KCNMA1: variants seen among roughly 807,000 people sequenced by gnomAD.
KCNMA1 encodes Calcium-activated potassium channel subunit alpha-1.
KCNMA1 carries 29 observed loss-of-function variants against 140.0 expected under a neutral mutation model. That is an observed-to-expected ratio of 0.21 (90% CI 0.15 to 0.28). The LOEUF is 0.28. Ranked by LOEUF, KCNMA1 falls within the 10% of genes least tolerant of loss-of-function variation. The pLI is 1.00. For missense variants in KCNMA1, 880 were observed against 1,602.2 expected (o/e 0.55, Z 7.70); for synonymous variants, 612 against 611.9 (o/e 1.00, Z 0.00).
At chr10:76,947,822 G>C (rs1391448229) in intron 22 of KCNMA1, among the ~76,000 whole-genome samples, 2 of 152,178 alleles carry the variant, frequency 1.3e-5, no homozygotes, top group Non-Finnish European at 2.9e-5. Flanking sequence ...TGAGTAACAT[G>C]TACTGCTTGT....
intron 1 of KCNMA1, among the ~76,000 whole-genome samples, chr10:77,468,494 A>C (rs1156477607): frequency 1.3e-5 from 2 of 152,208 alleles, no homozygotes; most frequent in Non-Finnish European, 2.9e-5. Context: ...ATGCAATATG[A>C]CTGGTGTCCT....
At chr10:77,325,044 T>G (rs889991621) in intron 2 of KCNMA1, among the ~76,000 whole-genome samples, 6 of 151,502 alleles carry the variant, frequency 4.0e-5, no homozygotes, top group Non-Finnish European at 7.4e-5. Flanking sequence ...ATTTTTTATT[T>G]TGAACTGACT....
chr10:77,580,219 A>T (rs2075451441), intron 1 of KCNMA1, among the ~76,000 whole-genome samples: 1 of 151,976 alleles, frequency 6.6e-6, no homozygotes, highest in Admixed American at 6.6e-5. Flanking sequence ...GTCTCCACTA[A>T]AAATACAAAA....
intron 17 of KCNMA1, among the ~76,000 whole-genome samples, chr10:77,017,114 T>C (rs189881857): frequency 3.3e-5 from 5 of 152,320 alleles, no homozygotes; most frequent in African/African-American, 1.2e-4. Context: ...AAATGAGACA[T>C]ATTGCACTCC....
chr10:76,963,773 T>C (rs879652727), intron 20 of KCNMA1, among the ~76,000 whole-genome samples: 7 of 152,198 alleles, frequency 4.6e-5, no homozygotes, highest in Admixed American at 2.6e-4. Flanking sequence ...ATACTAGTCC[T>C]CGCAAAGTGC....
intron 3 of KCNMA1, among the ~76,000 whole-genome samples, chr10:77,223,784 GTCA>G (rs2050437979): frequency 6.6e-6 from 1 of 152,120 alleles, no homozygotes; most frequent in Non-Finnish European, 1.5e-5. Flanking sequence ...TCTGGTAGAG[GTCA>G]TGGACGAAGT....
At chr10:77,538,174 CACAT>C in intron 1 of KCNMA1, among the ~76,000 whole-genome samples, 1 of 151,936 alleles carries the variant, frequency 6.6e-6, no homozygotes, top group Non-Finnish European at 1.5e-5. Flanking sequence ...TAAACACACA[CACAT>C]ACACTAGACA....
At chr10:77,269,440 C>T (rs1392636760) in intron 2 of KCNMA1, among the ~76,000 whole-genome samples, 1 of 152,194 alleles carries the variant, frequency 6.6e-6, no homozygotes, top group African/African-American at 2.4e-5. Context: ...TTCTGAAGCA[C>T]TTTGAGAAAG....
chr10:77,277,008 C>T (rs929095424), intron 2 of KCNMA1, among the ~76,000 whole-genome samples: 3 of 152,036 alleles, frequency 2.0e-5, no homozygotes, highest in Non-Finnish European at 2.9e-5. Flanking sequence ...TGACACACAG[C>T]GGGGATTCTT....
chr10:77,513,419 C>T (rs1480488270), intron 1 of KCNMA1, among the ~76,000 whole-genome samples: 2 of 152,172 alleles, frequency 1.3e-5, no homozygotes, highest in Admixed American at 6.5e-5. Context: ...GAGCAGCCAC[C>T]GTAGCTATCG....
chr10:77,378,384 C>G (rs16934663), intron 2 of KCNMA1, among the ~76,000 whole-genome samples: 1,857 of 152,300 alleles, frequency 0.012, 32 homozygotes, highest in African/African-American at 0.033. Flanking sequence ...TTGTCTTAAC[C>G]CTTCAGGGAG....
chr10:77,566,014 ATCT>A (rs202131772), intron 1 of KCNMA1, among the ~76,000 whole-genome samples: 23,693 of 152,092 alleles, frequency 0.16, 2,148 homozygotes, highest in Middle Eastern at 0.24. Context: ...CTCCCCTAAA[ATCT>A]TCATGTTTTT....
At chr10:77,088,529 A>G (rs1442309189) in intron 10 of KCNMA1, among the ~76,000 whole-genome samples, 1 of 152,076 alleles carries the variant, frequency 6.6e-6, no homozygotes, top group Non-Finnish European at 1.5e-5. Context: ...TCTCAGGATC[A>G]AGTCATCCTC....
At chr10:77,596,635 G>A (rs2253202) in intron 1 of KCNMA1, among the ~76,000 whole-genome samples, 135,275 of 151,960 alleles carry the variant, frequency 0.89, 60,500 homozygotes, top group Middle Eastern at 0.96. Flanking sequence ...AAGATGCTAC[G>A]GGAGCACAAT....
intron 3 of KCNMA1, among the ~76,000 whole-genome samples, chr10:77,215,934 G>T (rs551700745): frequency 6.8e-6 from 1 of 147,560 alleles, no homozygotes; most frequent in Admixed American, 6.9e-5. Context: ...TCTCTCTGCC[G>T]TGTGAGGACA....
At position 77,133,673 on chromosome 10, in the gene KCNMA1, T is replaced by C. The variant is rs538101055; in HGVS notation, c.809-12625A>G. Among the ~76,000 whole-genome samples the C allele has an allele frequency of 1.8e-4, 28 of 152,194 alleles. No homozygotes were observed. The South Asian group carries it at 3.7e-3, about 20-fold the overall frequency. On this transcript the variant is annotated intron_variant, in intron 5 of 27. Coordinates refer to ENST00000286628, the MANE Select transcript of KCNMA1 (RefSeq NM_001161352.2). ...TCCTTTGAGATAAATAAAGCAAATA[T>C]GACAAGAATGCACAAATATAGGACA... is the stretch of plus-strand genomic sequence containing the variant.
At chr10:77,252,905 C>T (rs754732237) in intron 2 of KCNMA1, among the ~76,000 whole-genome samples, 3 of 151,966 alleles carry the variant, frequency 2.0e-5, no homozygotes, top group East Asian at 1.9e-4. Flanking sequence ...CTAAAACATG[C>T]TCCAATTGAA....
At chr10:77,587,852 C>G (rs1443081443) in intron 1 of KCNMA1, 1 of 985,330 alleles carries the variant, frequency 1.0e-6, no homozygotes, top group East Asian at 1.1e-4. Flanking sequence ...CGGCCCCAGT[C>G]TTCAGATATA....
chr10:76,998,904 AAGGTG>A (rs2085257908), intron 19 of KCNMA1, among the ~76,000 whole-genome samples: 1 of 152,254 alleles, frequency 6.6e-6, no homozygotes, highest in South Asian at 2.1e-4. Context: ...TTAATGGTCA[AAGGTG>A]AGTGGTCTCA....
Sources: allele counts gnomAD v4.1 joint callset (sites outside exome capture counted in the v4.1 genomes callset), GRCh38; gene constraint gnomAD v4.1.1; transcripts MANE v1.5; gene names NCBI Gene and HGNC (gene_info 2026-07-23, HGNC 2026-07-21).